Variants in PRIM2 observed in about 807,000 individuals in gnomAD.
PRIM2 encodes the protein DNA primase subunit 2, also known as DNA primase large subunit.
PRIM2 carries 39 observed loss-of-function variants against 67.3 expected under a neutral mutation model. The observed-to-expected ratio is 0.58, with a 90% CI of 0.45 to 0.76. PRIM2 has a LOEUF of 0.76. PRIM2 is among the 30% of genes least tolerant of loss of function. PRIM2 has a pLI of 0.00. For missense variants in PRIM2, 398 were observed against 598.7 expected (o/e 0.66, Z 3.50); for synonymous variants, 143 against 198.7 (o/e 0.72, Z 2.36).
At chr6:57,414,971 G>A (rs1771210036) in intron 7 of PRIM2, among the ~76,000 whole-genome samples, 1 of 152,082 alleles carries the variant, frequency 6.6e-6, no homozygotes. Context: ...CTTGTTATTT[G>A]TAGAATATGT....
intron 10 of PRIM2, among the ~76,000 whole-genome samples, chr6:57,583,270 T>G (rs1277627776): frequency 2.6e-4 from 39 of 149,526 alleles, no homozygotes; most frequent in South Asian, 1.1e-3. Context: ...GCTGGTGCAC[T>G]GCACCCACTA....
intron 8 of PRIM2, among the ~76,000 whole-genome samples, chr6:57,510,905 A>G (rs1774352260): frequency 6.6e-6 from 1 of 152,090 alleles, no homozygotes; most frequent in Non-Finnish European, 1.5e-5. Flanking sequence ...TTAGAAAAAA[A>G]TTGATTTGCA....
intron 5 of PRIM2, among the ~76,000 whole-genome samples, chr6:57,328,454 C>G (rs1288974632): frequency 6.6e-6 from 1 of 152,122 alleles, no homozygotes; most frequent in Admixed American, 6.6e-5. Context: ...AATATGTGGT[C>G]CCTTGTGGTT....
At chr6:57,502,682 G>C (rs1331082051) in intron 7 of PRIM2, among the ~76,000 whole-genome samples, 109 of 152,162 alleles carry the variant, frequency 7.2e-4, no homozygotes, top group Non-Finnish European at 1.6e-4. Context: ...TCTGGCTTCC[G>C]GGCAGAGGCT....
At chr6:57,581,910 G>T (rs1478120873) in intron 10 of PRIM2, among the ~76,000 whole-genome samples, 1 of 152,200 alleles carries the variant, frequency 6.6e-6, no homozygotes, top group Non-Finnish European at 1.5e-5. Context: ...TGAACAAGAG[G>T]CGCATGAACT....
chr6:57,253,622 T>C, the PRIM2 span, among the ~76,000 whole-genome samples: 2 of 152,130 alleles, frequency 1.3e-5, no homozygotes, highest in Non-Finnish European at 2.9e-5. Context: ...AGTTACTAAT[T>C]ATATATATGT....
chr6:57,396,758 G>A (rs1770528834), intron 7 of PRIM2, among the ~76,000 whole-genome samples: 1 of 152,010 alleles, frequency 6.6e-6, no homozygotes, highest in African/African-American at 2.4e-5. Context: ...TGTTTTGTAG[G>A]TCTTGTGAGA....
chr6:57,265,966 A>G, the PRIM2 span, among the ~76,000 whole-genome samples: 9 of 152,344 alleles, frequency 5.9e-5, no homozygotes, highest in African/African-American at 1.7e-4. Context: ...TTATGAAAGT[A>G]GAATAAAATC....
In PRIM2 at chr6:57,326,893, CTTTTTTTTTTTTTT is replaced by C. The variant is rs70989764; in HGVS notation, c.459+861_459+874del. Among the ~76,000 whole-genome samples the C allele has an allele frequency of 2.8e-3, 362 of 131,484 alleles. 6 individuals carry two copies. Among genetic ancestry groups the C allele is most frequent in the African/African-American group, 7.6e-3 (255 of 33,772 alleles). The allele number at this position is 131,484 out of a possible 152,430, so 86.3% of individuals were successfully genotyped here. A position where few individuals can be genotyped will look rare whatever the true frequency, so the allele number is the denominator to read the frequency against. ...TGAGTATTGGAAATAGAATTTGTAT[CTTTTTTTTTTTTTT>C]TTTTTTTTTTTTGAGATGGAGCCTC... is the stretch of plus-strand genomic sequence containing the variant. On this transcript the variant is annotated intron_variant, in intron 5 of 13. Transcript: ENST00000615550.
intron 7 of PRIM2, among the ~76,000 whole-genome samples, chr6:57,401,844 T>C (rs1267619603): frequency 1.3e-5 from 2 of 152,054 alleles, no homozygotes; most frequent in Non-Finnish European, 2.9e-5. Flanking sequence ...GATGGACTGG[T>C]CTCCTCCCCT....
chr6:57,540,013 A>C (rs1259045485), intron 10 of PRIM2, among the ~76,000 whole-genome samples: 1 of 151,930 alleles, frequency 6.6e-6, no homozygotes, highest in African/African-American at 2.4e-5. Context: ...AAAAAAAGGA[A>C]ACTACACATA....
chr6:57,224,865 A>G, the PRIM2 span, among the ~76,000 whole-genome samples: 1 of 152,256 alleles, frequency 6.6e-6, no homozygotes, highest in East Asian at 1.9e-4. Context: ...ACAGCAGAAC[A>G]GAAGAAACAC....
intron 7 of PRIM2, among the ~76,000 whole-genome samples, chr6:57,459,231 A>G (rs1430917221): frequency 6.6e-5 from 10 of 152,318 alleles, no homozygotes; most frequent in Admixed American, 5.9e-4. Context: ...TGACTTTTGT[A>G]AAATGCTCAG....
chr6:57,276,061 C>A, the PRIM2 span, among the ~76,000 whole-genome samples: 1 of 152,138 alleles, frequency 6.6e-6, no homozygotes, highest in African/African-American at 2.4e-5. Context: ...AAGCAAGTAG[C>A]AGTAGCATGC....
chr6:57,269,443 T>C, the PRIM2 span, among the ~76,000 whole-genome samples: 2 of 152,186 alleles, frequency 1.3e-5, no homozygotes, highest in African/African-American at 4.8e-5. Context: ...TTTTGAGAAG[T>C]GTCTGTTCAT....
intron 11 of PRIM2, among the ~76,000 whole-genome samples, chr6:57,605,596 A>G (rs1475810112): frequency 2.6e-5 from 4 of 152,280 alleles, no homozygotes; most frequent in African/African-American, 9.6e-5. Context: ...TGTCATCTGT[A>G]TGACTGAAAA....
intron 12 of PRIM2, among the ~76,000 whole-genome samples, chr6:57,623,068 T>C (rs1294958638): frequency 1.3e-5 from 2 of 152,196 alleles, no homozygotes; most frequent in East Asian, 3.8e-4. Flanking sequence ...AGGGCAGCTT[T>C]TGTATCTATT....
At chr6:57,354,154 C>T (rs1284222502) in intron 5 of PRIM2, among the ~76,000 whole-genome samples, 2 of 152,280 alleles carry the variant, frequency 1.3e-5, no homozygotes, top group African/African-American at 2.4e-5. Flanking sequence ...TTGGCTTTAG[C>T]AGTACTGAAT....
intron 7 of PRIM2, among the ~76,000 whole-genome samples, chr6:57,463,189 C>T (rs1773064894): frequency 6.6e-6 from 1 of 152,114 alleles, no homozygotes; most frequent in African/African-American, 2.4e-5. Flanking sequence ...ATGTGATATC[C>T]ACAACTAGAA....
Sources: gnomAD v4.1 joint callset for allele counts (sites outside exome capture counted in the v4.1 genomes callset) on GRCh38, gnomAD v4.1.1 for gene constraint, MANE v1.5 for transcripts, NCBI Gene and HGNC (gene_info 2026-07-23, HGNC 2026-07-21) for gene names.